Variants in GLIPR1L1 observed in about 807,000 individuals in gnomAD.
GLIPR1L1 encodes the protein GLIPR1 like 1.
Under a neutral mutation model 29.9 loss-of-function variants are expected in GLIPR1L1, and 26 were observed. The ratio of observed to expected loss-of-function variants is 0.87; its 90% CI spans 0.64 to 1.21. The LOEUF (loss-of-function observed/expected upper bound fraction) is 1.21, where lower values mean the gene tolerates loss of function less well. GLIPR1L1 is among the 50% of genes most tolerant of loss of function. The probability of loss-of-function intolerance (pLI) is 0.00; values close to 1 mark genes in which losing one functional copy is unlikely to be tolerated. For synonymous variants in GLIPR1L1, 77 were observed against 97.5 expected (o/e 0.79, Z 1.24); for missense variants, 305 against 290.3 (o/e 1.05, Z -0.37).
chr12:75,363,063 A>T (rs762686113), intron 3 of GLIPR1L1, 39 bp from the exon 4 acceptor site: 1 of 1,073,782 alleles, frequency 9.3e-7, no homozygotes, highest in Non-Finnish European at 1.4e-6. Flanking sequence ...TGGAGAAATT[A>T]ACAGCCATTT....
chr12:75,349,724 T>C (rs2042679756), intron 3 of GLIPR1L1, among the ~76,000 whole-genome samples: 1 of 152,018 alleles, frequency 6.6e-6, no homozygotes, highest in Non-Finnish European at 1.5e-5. Context: ...GAATTCAAAA[T>C]CATAACATTA....
intron 3 of GLIPR1L1, among the ~76,000 whole-genome samples, chr12:75,348,577 T>C (rs2042602512): frequency 6.6e-6 from 1 of 152,124 alleles, no homozygotes; most frequent in African/African-American, 2.4e-5. Flanking sequence ...AGATTTGAAA[T>C]GGAAAGAGAA....
At chr12:75,354,630 T>C (rs933793480) in intron 3 of GLIPR1L1, among the ~76,000 whole-genome samples, 1 of 152,164 alleles carries the variant, frequency 6.6e-6, no homozygotes, top group African/African-American at 2.4e-5. Context: ...AAAAAACTAT[T>C]TTAAAATTCA....
At chr12:75,348,023 A>T (rs1457056146) in intron 3 of GLIPR1L1, among the ~76,000 whole-genome samples, 1 of 152,196 alleles carries the variant, frequency 6.6e-6, no homozygotes, top group Non-Finnish European at 1.5e-5. Context: ...ACTGAAACAC[A>T]AAAAGGCTGG....
chr12:75,338,866 C>T (rs891600259), intron 1 of GLIPR1L1, among the ~76,000 whole-genome samples: 1 of 152,166 alleles, frequency 6.6e-6, no homozygotes, highest in Non-Finnish European at 1.5e-5. Context: ...GTTTTCTGTT[C>T]CTGCATTAGT....
intron 1 of GLIPR1L1, among the ~76,000 whole-genome samples, chr12:75,341,363 C>G (rs2042092957): frequency 6.6e-6 from 1 of 152,208 alleles, no homozygotes; most frequent in Admixed American, 6.5e-5. Flanking sequence ...CCATGGCTCT[C>G]AAAGGCATTA....
rs1481490392 is a variant in GLIPR1L1, at chr12:75,334,770, T to C, written c.42T>C (p.Gly14=). The C allele has an allele frequency of 6.2e-7, 1 of 1,614,122 alleles. No individual in the cohort carries two copies. The highest frequency in any genetic ancestry group is 1.1e-5 in the South Asian group (1 of 91,090). Reference sequence around the variant, plus strand: ...AATTCAGTTGTTTATGGATCTTGGGTCTGTGTTTGGTAGCCACTACATCTT... The same window carrying C: ...AATTCAGTTGTTTATGGATCTTGGGCCTGTGTTTGGTAGCCACTACATCTT... ...KNKFSCLWIL[G]LCLVATTSSK... Residue 14 remains glycine (G), a synonymous_variant, in exon 1 of 6, where the codon GGT becomes GGC. Transcript: ENST00000378695.
chr12:75,357,810 T>C (rs1316725231), intron 3 of GLIPR1L1, among the ~76,000 whole-genome samples: 1 of 151,538 alleles, frequency 6.6e-6, no homozygotes, highest in African/African-American at 2.4e-5. Context: ...CTGAACTGAA[T>C]GAAATTAAAA....
intron 4 of GLIPR1L1, among the ~76,000 whole-genome samples, chr12:75,364,059 T>G (rs1342221791): frequency 6.6e-6 from 1 of 152,170 alleles, no homozygotes; most frequent in Admixed American, 6.6e-5. Flanking sequence ...AAGGGTTTAT[T>G]AAGTAGATGA....
intron 1 of GLIPR1L1, among the ~76,000 whole-genome samples, chr12:75,342,105 G>T (rs1314249231): frequency 3.3e-5 from 5 of 152,156 alleles, no homozygotes; most frequent in African/African-American, 1.2e-4. Context: ...ATTGGTGATC[G>T]CCAGGGGTTA....
intron 3 of GLIPR1L1, among the ~76,000 whole-genome samples, chr12:75,355,915 G>A (rs1354522455): frequency 1.3e-5 from 2 of 152,178 alleles, no homozygotes; most frequent in African/African-American, 4.8e-5. Flanking sequence ...ATTTACAAAT[G>A]GGAGCTGAAC....
At position 75,370,061 on chromosome 12, in the gene GLIPR1L1, T is replaced by C. The variant is rs2044258276; in HGVS notation, c.638-24T>C. On this transcript the variant is annotated intron_variant, in intron 5 of 5. Coordinates refer to ENST00000378695, the MANE Select transcript of GLIPR1L1 (RefSeq NM_001304964.2). ...AAATCAATTGAACTCTTAACTATTC[T>C]GGTTTTGTTTTTGTTTTTGACAGAA... 7.6e-6 allele frequency: 11 copies of C among 1,455,496 alleles called. No homozygotes were observed. In the East Asian group the frequency reaches 2.5e-4, roughly 33 times the overall value. 90.2% of individuals were successfully genotyped at this position (1,455,496 alleles called of 1,614,324 possible). A position where few individuals can be genotyped will look rare whatever the true frequency, so the allele number is the denominator to read the frequency against.
At chr12:75,361,590 T>C (rs1481112826) in intron 3 of GLIPR1L1, among the ~76,000 whole-genome samples, 1 of 152,172 alleles carries the variant, frequency 6.6e-6, no homozygotes, top group Non-Finnish European at 1.5e-5. Flanking sequence ...AATTGACTCA[T>C]GGTTCCACGT....
intron 3 of GLIPR1L1, among the ~76,000 whole-genome samples, chr12:75,354,495 T>C (rs1003204315): frequency 2.0e-5 from 3 of 152,046 alleles, no homozygotes; most frequent in East Asian, 3.8e-4. Context: ...CACAAACAAA[T>C]GAAAAAACAT....
intron 3 of GLIPR1L1, among the ~76,000 whole-genome samples, chr12:75,358,774 TATATATAATATATAACA>T (rs1463641928): frequency 4.2e-5 from 6 of 144,272 alleles, no homozygotes; most frequent in African/African-American, 7.6e-5. Context: ...TATGTTTAAA[TATATATAATATATAACA>T]ATATATAATA....
intron 1 of GLIPR1L1, among the ~76,000 whole-genome samples, chr12:75,340,806 G>A (rs1593668979): frequency 6.6e-6 from 1 of 150,962 alleles, no homozygotes; most frequent in Non-Finnish European, 1.5e-5. Context: ...ATATACAGAT[G>A]GAAAATAAGC....
intron 3 of GLIPR1L1, among the ~76,000 whole-genome samples, chr12:75,352,343 G>A (rs764055557): frequency 1.8e-4 from 27 of 152,114 alleles, no homozygotes; most frequent in Admixed American, 1.8e-3. Flanking sequence ...AAAAAGCAGA[G>A]GTTGAAATCC....
At position 75,350,335 on chromosome 12, in the gene GLIPR1L1, C is replaced by G. The variant is rs565343492; in HGVS notation, c.521+2613C>G. Reference sequence around the variant, plus strand: ...GCAAGCTCTGAGGAGTCTGGGTAGTCTGGACAAGGGAAATTCCTGCTTATT... The same window carrying G: ...GCAAGCTCTGAGGAGTCTGGGTAGTGTGGACAAGGGAAATTCCTGCTTATT... On this transcript the variant is annotated intron_variant, in intron 3 of 5. Coordinates refer to ENST00000378695, the MANE Select transcript of GLIPR1L1 (RefSeq NM_001304964.2). Among the ~76,000 whole-genome samples, 6 of 152,318 alleles carry G rather than the reference C, an allele frequency of 3.9e-5. No individual in the cohort carries two copies. In the South Asian group the frequency reaches 1.0e-3, roughly 26 times the overall value.
chr12:75,362,795 TGAA>T (rs1391847678), intron 3 of GLIPR1L1, among the ~76,000 whole-genome samples: 2 of 152,168 alleles, frequency 1.3e-5, no homozygotes, highest in African/African-American at 2.4e-5. Context: ...ATGTACAAAA[TGAA>T]GAAATAATCA....
Sources: gnomAD v4.1 joint callset for allele counts (sites outside exome capture counted in the v4.1 genomes callset) on GRCh38, gnomAD v4.1.1 for gene constraint, MANE v1.5 for transcripts, NCBI Gene and HGNC (gene_info 2026-07-23, HGNC 2026-07-21) for gene names.